SLC1A2: variants seen among roughly 807,000 people sequenced by gnomAD.
SLC1A2 encodes excitatory amino acid transporter 2.
Under a neutral mutation model 48.8 loss-of-function variants are expected in SLC1A2, and 15 were observed. The observed-to-expected ratio is 0.31, with a 90% CI of 0.21 to 0.47. SLC1A2 has a LOEUF of 0.47. SLC1A2 is among the 20% of genes least tolerant of loss of function. SLC1A2 has a pLI of 0.99. For synonymous variants in SLC1A2, 279 were observed against 272.6 expected (o/e 1.02, Z -0.23); for missense variants, 502 against 730.5 (o/e 0.69, Z 3.61).
At chr11:35,297,884 A>G (rs1438338875) in intron 6 of SLC1A2, 2 of 152,354 alleles carry the variant, frequency 1.3e-5, no homozygotes, top group South Asian at 4.1e-4. Flanking sequence ...CACAGCCTTA[A>G]TTCTCACAGC....
rs116943396 is a variant in SLC1A2 at position 35,371,950 on chromosome 11, A to C, written c.17+47000T>G. 7.9e-5 allele frequency among the ~76,000 whole-genome samples: 12 copies of C among 152,346 alleles called. No individual in the cohort carries two copies. The East Asian group carries it at 2.3e-3, about 29-fold the overall frequency. On this transcript the variant is annotated intron_variant, in intron 1 of 10. Coordinates refer to ENST00000278379, the MANE Select transcript of SLC1A2 (RefSeq NM_004171.4). Reference sequence around the variant, plus strand: ...AAAAGCAAATGCAAAACAAAATGATAGTAGCCTGAGAGTTCTGGAGCCACT... The same window carrying C: ...AAAAGCAAATGCAAAACAAAATGATCGTAGCCTGAGAGTTCTGGAGCCACT...
intron 1 of SLC1A2, among the ~76,000 whole-genome samples, chr11:35,415,141 A>G (rs1048643361): frequency 6.6e-6 from 1 of 152,234 alleles, no homozygotes; most frequent in Non-Finnish European, 1.5e-5. Flanking sequence ...TTGCAGCTGA[A>G]GCATCATCAC....
intron 1 of SLC1A2, among the ~76,000 whole-genome samples, chr11:35,375,485 C>T (rs898823499): frequency 4.6e-5 from 7 of 151,730 alleles, no homozygotes; most frequent in Admixed American, 6.6e-5. Flanking sequence ...GTAGATCTCA[C>T]GACTGCAGGT....
intron 1 of SLC1A2, among the ~76,000 whole-genome samples, chr11:35,348,892 CAAAAAAAAA>C (rs397752034): frequency 1.3e-5 from 1 of 78,470 alleles, no homozygotes; most frequent in Admixed American, 1.6e-4. Context: ...GACCTGGTCT[CAAAAAAAAA>C]AAAAAAAAAA....
At chr11:35,294,425 G>A (rs545152846) in intron 6 of SLC1A2, among the ~76,000 whole-genome samples, 48 of 152,102 alleles carry the variant, frequency 3.2e-4, no homozygotes, top group African/African-American at 1.1e-3. Context: ...TAGCTCTCCC[G>A]CCATTTTATA....
intron 7 of SLC1A2, among the ~76,000 whole-genome samples, chr11:35,290,636 G>A (rs1850970285): frequency 6.8e-6 from 1 of 147,524 alleles, no homozygotes; most frequent in African/African-American, 2.5e-5. Context: ...TTGTTTTCTG[G>A]TTATGAGCCT....
At chr11:35,301,396 C>T in intron 6 of SLC1A2, 123 bp downstream of exon 6, 2 of 835,006 alleles carry the variant, frequency 2.4e-6, no homozygotes, top group Non-Finnish European at 3.7e-6. Context: ...TTCTCAAAGT[C>T]TTTCTGGAAA....
At chr11:35,411,580 C>T (rs114912974) in intron 1 of SLC1A2, among the ~76,000 whole-genome samples, 2,016 of 152,252 alleles carry the variant, frequency 0.013, 46 homozygotes, top group African/African-American at 0.046. Flanking sequence ...CTCAGCCTCC[C>T]GAATAGCTAG....
intron 7 of SLC1A2, among the ~76,000 whole-genome samples, chr11:35,289,631 A>T (rs1591433402): frequency 6.6e-6 from 1 of 152,360 alleles, no homozygotes; most frequent in East Asian, 1.9e-4. Context: ...AGAAAATAAT[A>T]CTAATATTTT....
rs148519870 is a variant in SLC1A2, at chr11:35,308,522, T to C, written c.562-2280A>G. ...TTTCACCATTCTGGAGACTGGGAAG[T>C]ACACAATGAAGATATCAGCATCGGG... is the stretch of plus-strand genomic sequence containing the variant. On this transcript the variant is annotated intron_variant, in intron 4 of 10. Coordinates refer to ENST00000278379, the MANE Select transcript of SLC1A2 (RefSeq NM_004171.4). Among the ~76,000 whole-genome samples, 1,488 of 152,268 alleles carry C rather than the reference T, an allele frequency of 9.8e-3. 26 individuals are homozygous for C. The highest frequency in any genetic ancestry group is 0.034 in the African/African-American group (1,419 of 41,528).
At chr11:35,316,184 ACAGACT>A (rs1851870315) in intron 2 of SLC1A2, 1 of 152,226 alleles carries the variant, frequency 6.6e-6, no homozygotes, top group Non-Finnish European at 1.5e-5. Context: ...CTTTCACTTT[ACAGACT>A]CAAAGTTCCC....
At chr11:35,275,102 T>C (rs891128573) in intron 9 of SLC1A2, among the ~76,000 whole-genome samples, 2 of 152,156 alleles carry the variant, frequency 1.3e-5, no homozygotes, top group Non-Finnish European at 2.9e-5. Context: ...CTCTGGGAGA[T>C]TTTGGTGCAT....
intron 1 of SLC1A2, among the ~76,000 whole-genome samples, chr11:35,397,608 T>C (rs1370581225): frequency 6.6e-6 from 1 of 152,136 alleles, no homozygotes; most frequent in Non-Finnish European, 1.5e-5. Flanking sequence ...CCCTCCAAAC[T>C]TCTTATGTTG....
chr11:35,319,875 G>C (rs1223582708), intron 1 of SLC1A2, among the ~76,000 whole-genome samples: 1 of 152,118 alleles, frequency 6.6e-6, no homozygotes, highest in Non-Finnish European at 1.5e-5. Context: ...TTACCCTCTT[G>C]GAATTAAACA....
At chr11:35,390,977 T>C (rs977214391) in intron 1 of SLC1A2, 5 of 152,166 alleles carry the variant, frequency 3.3e-5, no homozygotes, top group African/African-American at 1.2e-4. Context: ...TAAAATCTAT[T>C]CTTAAAACTA....
At chr11:35,401,858 C>A (rs561851274) in intron 1 of SLC1A2, among the ~76,000 whole-genome samples, 2 of 152,172 alleles carry the variant, frequency 1.3e-5, no homozygotes, top group Non-Finnish European at 2.9e-5. Flanking sequence ...AAGGAAACAA[C>A]AGTCATCCAG....
chr11:35,404,015 G>A (rs539147834), intron 1 of SLC1A2, among the ~76,000 whole-genome samples: 1 of 136,786 alleles, frequency 7.3e-6, no homozygotes, highest in East Asian at 2.3e-4. Context: ...GCCTCCTAAG[G>A]CAGTGTGCCC....
chr11:35,353,740 G>A (rs568467637), intron 1 of SLC1A2, among the ~76,000 whole-genome samples: 98 of 152,248 alleles, frequency 6.4e-4, no homozygotes, highest in African/African-American at 2.3e-3. Flanking sequence ...ACCATCAACA[G>A]ACCATGTTGA....
At chr11:35,406,720 G>A (rs1372287907) in intron 1 of SLC1A2, among the ~76,000 whole-genome samples, 1 of 152,158 alleles carries the variant, frequency 6.6e-6, no homozygotes, top group Non-Finnish European at 1.5e-5. Flanking sequence ...GGGAAACTTG[G>A]GAGTGGGTAC....
Sources: allele counts gnomAD v4.1 joint callset (sites outside exome capture counted in the v4.1 genomes callset), GRCh38; gene constraint gnomAD v4.1.1; transcripts MANE v1.5; gene names NCBI Gene and HGNC (gene_info 2026-07-23, HGNC 2026-07-21).